The following TDRD5 variants were observed in gnomAD, a reference collection of about 807,000 sequenced individuals.
TDRD5 encodes the protein tudor domain containing 5, also known as tudor domain-containing protein 5.
A neutral mutation model predicts 120.6 loss-of-function variants in TDRD5; 41 were observed. That is an observed-to-expected ratio of 0.34 (90% CI 0.26 to 0.44). The LOEUF is 0.44. Among genes scored for constraint, TDRD5 ranks in the 20% least tolerant of loss-of-function variants. The probability of loss-of-function intolerance (pLI) is 1.00; values close to 1 mark genes in which losing one functional copy is unlikely to be tolerated. For missense variants in TDRD5, 1,006 were observed against 1,221.2 expected (o/e 0.82, Z 2.63); for synonymous variants, 430 against 433.7 (o/e 0.99, Z 0.11).
chr1:179,674,992 T>C (rs575664279), intron 17 of TDRD5, among the ~76,000 whole-genome samples: 2 of 152,190 alleles, frequency 1.3e-5, no homozygotes, highest in East Asian at 3.9e-4. Context: ...GAACCAACTT[T>C]TTGTTTCACT....
At chr1:179,595,904 C>T in intron 4 of TDRD5, 86 bp downstream of exon 4, 2 of 1,299,074 alleles carry the variant, frequency 1.5e-6, no homozygotes, top group Non-Finnish European at 2.0e-6. Flanking sequence ...AAAAGTTGAC[C>T]TTTTAAAAAC....
intron 17 of TDRD5, among the ~76,000 whole-genome samples, chr1:179,669,876 A>G (rs1679764925): frequency 6.6e-6 from 1 of 152,158 alleles, no homozygotes; most frequent in Non-Finnish European, 1.5e-5. Flanking sequence ...TCTTTCACTT[A>G]TGGTAATATT....
intron 17 of TDRD5, among the ~76,000 whole-genome samples, chr1:179,671,992 G>GTA (rs1553334587): frequency 4.2e-5 from 6 of 141,196 alleles, no homozygotes; most frequent in Non-Finnish European, 7.7e-5. Flanking sequence ...GTGTGTGTGT[G>GTA]TATCACATTT....
intron 17 of TDRD5, among the ~76,000 whole-genome samples, chr1:179,686,900 A>AT (rs1447275487): frequency 6.7e-6 from 1 of 150,146 alleles, no homozygotes; most frequent in African/African-American, 2.4e-5. Context: ...CCCCTTTATC[A>AT]TTTTTTATTG....
chr1:179,600,241 A>G (rs932838322), intron 4 of TDRD5, among the ~76,000 whole-genome samples: 2 of 152,064 alleles, frequency 1.3e-5, no homozygotes, highest in African/African-American at 4.8e-5. Flanking sequence ...CCACCCACTC[A>G]CCCAGAGCAA....
At chr1:179,626,139 A>G (rs1286090279) in intron 6 of TDRD5, among the ~76,000 whole-genome samples, 5 of 152,134 alleles carry the variant, frequency 3.3e-5, no homozygotes, top group Admixed American at 2.0e-4. Flanking sequence ...GGTGCAGCGC[A>G]CCAGCATGGC....
Position 179,669,257 on chromosome 1 carries a change from T to C in TDRD5, c.2713T>C (p.Ser905Pro), listed in dbSNP as rs1320756135. Residue 905 changes from serine to proline, a missense_variant, in exon 17 of 18, where the codon TCT (serine) becomes CCT (proline). Coordinates refer to ENST00000444136, the MANE Select transcript of TDRD5 (RefSeq NM_001199085.3). ...TLPKLEEFCT[S>P]LTQSEQSADG... Reference sequence around the variant, plus strand: ...GCCCAAATTGGAAGAATTCTGTACCTCTCTTACCCAGTCAGAGCAGTCAGC... The same window carrying C: ...GCCCAAATTGGAAGAATTCTGTACCCCTCTTACCCAGTCAGAGCAGTCAGC... 1 of 1,614,138 alleles carries C rather than the reference T, an allele frequency of 6.2e-7. No homozygotes were observed.
In TDRD5 at chr1:179,594,001, A is replaced by T. The variant is rs964162782; in HGVS notation, c.640+134A>T. 17 of 1,155,742 alleles carry T rather than the reference A, an allele frequency of 1.5e-5. No individual in the cohort carries two copies. In the African/African-American group the frequency reaches 2.0e-4, roughly 14 times the overall value. 71.6% of individuals were successfully genotyped at this position (1,155,742 alleles called of 1,614,324 possible). ...TGAGTGGTCTCAGGCGAACTGTTCA[A>T]TCTACTTAAGCCTTAGTTTTCCTCA... On this transcript the variant is annotated intron_variant, in intron 3 of 17. Coordinates refer to ENST00000444136, the MANE Select transcript of TDRD5 (RefSeq NM_001199085.3).
Position 179,598,658 on chromosome 1 carries a change from A to G in TDRD5, c.831+2840A>G, listed in dbSNP as rs184920171. ...GTATTTAAAATTTCTAATCATTGCTAATAGAAAATCAATTGGTTTTTTTTT... is the reference window on the plus strand; with the variant it reads ...GTATTTAAAATTTCTAATCATTGCTGATAGAAAATCAATTGGTTTTTTTTT... On this transcript the variant is annotated intron_variant, in intron 4 of 17. Transcript: ENST00000444136. 1.8e-4 allele frequency among the ~76,000 whole-genome samples: 27 copies of G among 151,252 alleles called. No homozygotes were observed. The East Asian group carries it at 4.6e-3, about 26-fold the overall frequency.
In TDRD5 at chr1:179,690,981, G is replaced by A. The variant is rs111586742; in HGVS notation, c.*38G>A. 164 of 1,580,482 alleles carry A rather than the reference G, an allele frequency of 1.0e-4. 1 individual carries two copies. The African/African-American group carries it at 1.3e-3, about 12-fold the overall frequency. On this transcript the variant is annotated 3_prime_UTR_variant, in exon 18 of 18. Coordinates refer to ENST00000444136, the MANE Select transcript of TDRD5 (RefSeq NM_001199085.3). ...GGAGGGAGAAAAACAGAATCCAGCCGCTTAGGCTTTGATGAACTCCCAGGC... is the reference window on the plus strand; with the variant it reads ...GGAGGGAGAAAAACAGAATCCAGCCACTTAGGCTTTGATGAACTCCCAGGC...
At chr1:179,630,990 A>C in intron 7 of TDRD5, 70 bp downstream of exon 7, 1 of 1,401,356 alleles carries the variant, frequency 7.1e-7, no homozygotes, top group East Asian at 2.3e-5. Flanking sequence ...GAAAACATGA[A>C]ATAATGCCTA....
chr1:179,642,711 A>G (rs1231291638), intron 11 of TDRD5, among the ~76,000 whole-genome samples: 8 of 152,222 alleles, frequency 5.3e-5, no homozygotes, highest in Non-Finnish European at 8.8e-5. Context: ...TCCAGTGCCC[A>G]GAGTAATGGC....
chr1:179,661,990 A>G (rs1474701922), intron 14 of TDRD5, 114 bp from the exon 15 acceptor site: 2 of 943,392 alleles, frequency 2.1e-6, no homozygotes, highest in Non-Finnish European at 2.9e-6. Flanking sequence ...ATAAATTGTG[A>G]ATTCAAACTG....
intron 17 of TDRD5, among the ~76,000 whole-genome samples, chr1:179,669,645 T>G (rs1679749846): frequency 6.6e-6 from 1 of 152,128 alleles, no homozygotes; most frequent in Non-Finnish European, 1.5e-5. Context: ...TTATATAGAG[T>G]AAAATTTGCT....
intron 4 of TDRD5, among the ~76,000 whole-genome samples, chr1:179,607,655 G>A (rs1216369603): frequency 6.6e-6 from 1 of 151,778 alleles, no homozygotes; most frequent in Non-Finnish European, 1.5e-5. Context: ...TAAAATGTAA[G>A]AACCTCGGGA....
At chr1:179,623,447 A>G (rs979097628) in intron 6 of TDRD5, among the ~76,000 whole-genome samples, 4 of 152,136 alleles carry the variant, frequency 2.6e-5, no homozygotes, top group Admixed American at 6.6e-5. Flanking sequence ...GTGGAGGGGC[A>G]GTACCTGGAA....
chr1:179,626,255 A>G (rs986460515), intron 6 of TDRD5, among the ~76,000 whole-genome samples: 4 of 152,232 alleles, frequency 2.6e-5, no homozygotes, highest in East Asian at 3.8e-4. Flanking sequence ...CAGCTGATAC[A>G]TGAACCAGTG....
intron 6 of TDRD5, among the ~76,000 whole-genome samples, chr1:179,624,166 C>T (rs1676992802): frequency 6.6e-6 from 1 of 152,078 alleles, no homozygotes; most frequent in Non-Finnish European, 1.5e-5. Context: ...AATAGAATAA[C>T]AAGGAAGAAA....
At chr1:179,614,824 A>G (rs1390415148) in intron 4 of TDRD5, among the ~76,000 whole-genome samples, 4 of 152,114 alleles carry the variant, frequency 2.6e-5, no homozygotes, top group Non-Finnish European at 4.4e-5. Flanking sequence ...ATGTATGTAT[A>G]CATTGTGGAA....
Sources: allele counts gnomAD v4.1 joint callset (sites outside exome capture counted in the v4.1 genomes callset), GRCh38; gene constraint gnomAD v4.1.1; transcripts MANE v1.5; gene names NCBI Gene and HGNC (gene_info 2026-07-23, HGNC 2026-07-21).